Variants in CDKN2B-AS1 observed in about 807,000 individuals in gnomAD.
CDKN2B-AS1 encodes the protein CDKN2B antisense RNA 1 (non-protein coding).
At chr9:22,045,038 T>TTGTC in intron 1 of CDKN2B-AS1, among the ~76,000 whole-genome samples, 1 of 141,956 alleles carries the variant, frequency 7.0e-6, no homozygotes, top group East Asian at 2.0e-4. Context: ...TATTATTTAT[T>TTGTC]TGTGTGTGTG....
At chr9:22,100,299 C>T (rs982497571) in intron 4 of CDKN2B-AS1, among the ~76,000 whole-genome samples, 2 of 152,112 alleles carry the variant, frequency 1.3e-5, no homozygotes, top group African/African-American at 4.8e-5. Flanking sequence ...CCTTCATGCT[C>T]ATTTATTTAA....
intron 1 of CDKN2B-AS1, among the ~76,000 whole-genome samples, chr9:22,002,420 A>T (rs1322888865): frequency 6.6e-6 from 1 of 151,984 alleles, no homozygotes; most frequent in Non-Finnish European, 1.5e-5. Flanking sequence ...AAAGCATAAA[A>T]TGAGTATATG....
At chr9:22,124,172 T>A (rs905353855) in intron 4 of CDKN2B-AS1, among the ~76,000 whole-genome samples, 2 of 152,242 alleles carry the variant, frequency 1.3e-5, no homozygotes, top group African/African-American at 4.8e-5. Context: ...GAAGATTAAT[T>A]ACACTTTCTG....
At chr9:22,033,120 A>G (rs918342802) in intron 1 of CDKN2B-AS1, 1 of 152,130 alleles carries the variant, frequency 6.6e-6, no homozygotes, top group Admixed American at 6.5e-5. Flanking sequence ...TGAGAATCTA[A>G]CTAATGGCTG....
At chr9:22,064,994 T>C (rs1823979937) in intron 4 of CDKN2B-AS1, among the ~76,000 whole-genome samples, 1 of 152,214 alleles carries the variant, frequency 6.6e-6, no homozygotes, top group African/African-American at 2.4e-5. Context: ...ACACCTTTGA[T>C]GTATTTCTCT....
intron 1 of CDKN2B-AS1, among the ~76,000 whole-genome samples, chr9:22,037,280 T>C (rs1266223372): frequency 6.6e-6 from 1 of 152,076 alleles, no homozygotes; most frequent in Non-Finnish European, 1.5e-5. Context: ...AAGTACATAC[T>C]ATTCAGTATT....
intron 4 of CDKN2B-AS1, chr9:22,113,787 G>A (rs1825865329): frequency 6.6e-6 from 1 of 152,154 alleles, no homozygotes; most frequent in Admixed American, 6.5e-5. Flanking sequence ...AGATGGTGAA[G>A]GAATATAAAA....
intron 1 of CDKN2B-AS1, among the ~76,000 whole-genome samples, chr9:22,011,404 T>A (rs1368875840): frequency 6.6e-6 from 1 of 152,230 alleles, no homozygotes; most frequent in Non-Finnish European, 1.5e-5. Flanking sequence ...AGCTGTTGTT[T>A]CATTTAATAC....
At chr9:22,111,704 A>C (rs573933400) in intron 4 of CDKN2B-AS1, among the ~76,000 whole-genome samples, 1 of 152,306 alleles carries the variant, frequency 6.6e-6, no homozygotes, top group East Asian at 1.9e-4. Context: ...CCTAACACTT[A>C]TAAATGCATT....
rs945270645 is a variant in CDKN2B-AS1 at position 22,006,898 on chromosome 9, T to C, written n.29+11737T>C. ...TAGAAGGGAAAAGTAAATTAAATCA[T>C]GCAAAATCTTATAAAATTATAATAA... On this transcript the variant is annotated intron_variant and non_coding_transcript_variant, in intron 1 of 4. Transcript: ENST00000650946. The surrounding 1 kb of genome is among the most constrained non-coding windows in gnomAD (Gnocchi z 6.4). Among the ~76,000 whole-genome samples the C allele has an allele frequency of 6.6e-6, 1 of 152,144 alleles. No individual in the cohort carries two copies. Among genetic ancestry groups the C allele is most frequent in the African/African-American group, 2.4e-5 (1 of 41,456 alleles).
At chr9:22,011,408 T>G (rs1412310592) in intron 1 of CDKN2B-AS1, among the ~76,000 whole-genome samples, 1 of 152,238 alleles carries the variant, frequency 6.6e-6, no homozygotes, top group Non-Finnish European at 1.5e-5. Context: ...GTTGTTTCAT[T>G]TAATACTCAT....
intron 1 of CDKN2B-AS1, chr9:22,033,106 T>C (rs1262305780): frequency 6.6e-6 from 1 of 152,058 alleles, no homozygotes; most frequent in Non-Finnish European, 1.5e-5. Flanking sequence ...TTGTGCGCCC[T>C]TTATGAGAAT....
At chr9:22,092,622 T>C (rs1013210303) in intron 4 of CDKN2B-AS1, among the ~76,000 whole-genome samples, 1 of 152,216 alleles carries the variant, frequency 6.6e-6, no homozygotes, top group African/African-American at 2.4e-5. Context: ...GAGGTGTTTA[T>C]AGTATTCTCT....
At chr9:22,045,412 C>T (rs1267266202) in intron 1 of CDKN2B-AS1, among the ~76,000 whole-genome samples, 1 of 152,064 alleles carries the variant, frequency 6.6e-6, no homozygotes, top group African/African-American at 2.4e-5. Context: ...TTTTACTCCT[C>T]TGGTTTTCTC....
chr9:22,071,243 C>T (rs1159166875), intron 4 of CDKN2B-AS1, among the ~76,000 whole-genome samples: 1 of 144,214 alleles, frequency 6.9e-6, no homozygotes, highest in Non-Finnish European at 1.5e-5. Flanking sequence ...GATACCAGGA[C>T]CCAGATCTAA....
intron 4 of CDKN2B-AS1, chr9:22,118,796 T>G (rs766382994): frequency 2.6e-5 from 4 of 152,180 alleles, no homozygotes; most frequent in Non-Finnish European, 5.9e-5. Context: ...GAAATTCACA[T>G]GTATGTGAAT....
At chr9:22,097,395 G>T (rs1036039802) in intron 4 of CDKN2B-AS1, 1 of 152,260 alleles carries the variant, frequency 6.6e-6, no homozygotes, top group East Asian at 1.9e-4. Context: ...AAGGGAAAGA[G>T]GATAAGAGCA....
In CDKN2B-AS1 at chr9:22,006,218, C is replaced by T. The variant is rs759975176; in HGVS notation, n.29+11057C>T. The T allele has an allele frequency of 3.1e-6, 5 of 1,607,514 alleles. No individual in the cohort carries two copies. Among genetic ancestry groups the T allele is most frequent in the African/African-American group, 2.7e-5 (2 of 74,942 alleles). On this transcript the variant is annotated intron_variant and non_coding_transcript_variant, in intron 1 of 4. Coordinates refer to ENST00000650946, the Ensembl canonical transcript of CDKN2B-AS1. The surrounding 1 kb of genome is among the most constrained non-coding windows in gnomAD (Gnocchi z 6.4). Reference sequence around the variant, plus strand: ...CCGCGCCGTGGAGCAGCAGCAGCTCCGCCACGCGGGCGCTGCCCATCATCA... The same window carrying T: ...CCGCGCCGTGGAGCAGCAGCAGCTCTGCCACGCGGGCGCTGCCCATCATCA...
chr9:22,070,991 C>G (rs551508347), intron 4 of CDKN2B-AS1, among the ~76,000 whole-genome samples: 2 of 151,978 alleles, frequency 1.3e-5, no homozygotes, highest in Non-Finnish European at 2.9e-5. Context: ...ACACAGTGGA[C>G]CAATGGGGGA....
Sources: gnomAD v4.1 joint callset for allele counts (sites outside exome capture counted in the v4.1 genomes callset) on GRCh38, gnomAD v4.1.1 for gene constraint, Gnocchi (gnomAD v3.1) non-coding constraint, MANE v1.5 for transcripts, NCBI Gene and HGNC (gene_info 2026-07-23, HGNC 2026-07-21) for gene names.